CSTPP1: variants seen among roughly 807,000 people sequenced by gnomAD.
CSTPP1 encodes UPF0705 protein C11orf49.
At chr11:47,117,596 T>A in the CSTPP1 span, among the ~76,000 whole-genome samples, 2 of 152,174 alleles carry the variant, frequency 1.3e-5, no homozygotes, top group Non-Finnish European at 2.9e-5. Flanking sequence ...GGGAATCTGA[T>A]AATTATGTGT....
At chr11:47,110,890 C>CTTTTTTTTTT in the CSTPP1 span, among the ~76,000 whole-genome samples, 124 of 125,440 alleles carry the variant, frequency 9.9e-4, 2 homozygotes, top group Middle Eastern at 4.2e-3. Context: ...GAGAACACAT[C>CTTTTTTTTTT]TTTTTTTTTT....
chr11:47,070,459 A>G, the CSTPP1 span, among the ~76,000 whole-genome samples: 14 of 152,128 alleles, frequency 9.2e-5, no homozygotes, highest in African/African-American at 3.4e-4. Flanking sequence ...CCTTGATCCC[A>G]CCTCAAACGT....
chr11:47,043,955 C>G, the CSTPP1 span, among the ~76,000 whole-genome samples: 1 of 152,156 alleles, frequency 6.6e-6, no homozygotes, highest in African/African-American at 2.4e-5. Flanking sequence ...AATGCAGGTT[C>G]TACAATGTAT....
chr11:47,010,857 T>C, the CSTPP1 span, among the ~76,000 whole-genome samples: 2 of 152,306 alleles, frequency 1.3e-5, no homozygotes, highest in African/African-American at 4.8e-5. Flanking sequence ...TTTTTTTTTC[T>C]TCTCTCAAGC....
At chr11:46,950,606 TC>T in the CSTPP1 span, among the ~76,000 whole-genome samples, 371 of 152,180 alleles carry the variant, frequency 2.4e-3, 1 homozygote, top group African/African-American at 8.1e-3. Flanking sequence ...GAAACTGTTT[TC>T]TTTTTTCCTT....
At chr11:47,078,346 G>T in the CSTPP1 span, among the ~76,000 whole-genome samples, 1 of 152,172 alleles carries the variant, frequency 6.6e-6, no homozygotes, top group Non-Finnish European at 1.5e-5. Flanking sequence ...GAATGAATGG[G>T]TAGTAAGAAA....
At chr11:47,077,765 T>C in the CSTPP1 span, among the ~76,000 whole-genome samples, 3 of 152,230 alleles carry the variant, frequency 2.0e-5, no homozygotes, top group East Asian at 5.8e-4. Flanking sequence ...CAGAAGGCTC[T>C]AGGAGGAATT....
chr11:47,158,864 C>T, the CSTPP1 span, among the ~76,000 whole-genome samples: 1 of 152,132 alleles, frequency 6.6e-6, no homozygotes, highest in Non-Finnish European at 1.5e-5. Context: ...TCGAGAGATC[C>T]TCCTGCTGTG....
At chr11:46,996,331 T>C in the CSTPP1 span, among the ~76,000 whole-genome samples, 10 of 150,938 alleles carry the variant, frequency 6.6e-5, no homozygotes, top group African/African-American at 2.4e-4. Flanking sequence ...TGAGACGGAG[T>C]TTCGCTCTGT....
chr11:46,952,144 A>C, the CSTPP1 span, among the ~76,000 whole-genome samples: 1 of 152,138 alleles, frequency 6.6e-6, no homozygotes, highest in Non-Finnish European at 1.5e-5. Flanking sequence ...TTTCTTTCTT[A>C]CTTAATCCAA....
the CSTPP1 span, among the ~76,000 whole-genome samples, chr11:47,082,149 C>CAA: frequency 0.17 from 14,389 of 83,022 alleles, 1,419 homozygotes; most frequent in East Asian, 0.55. Context: ...GACCCTGTCT[C>CAA]AAAAAAAAAA....
the CSTPP1 span, among the ~76,000 whole-genome samples, chr11:47,121,338 C>T: frequency 1.2e-4 from 19 of 152,210 alleles, no homozygotes; most frequent in African/African-American, 4.6e-4. Flanking sequence ...GTTAGCCACA[C>T]GAGCTTTTGT....
the CSTPP1 span, among the ~76,000 whole-genome samples, chr11:47,123,773 G>T: frequency 6.6e-5 from 10 of 152,172 alleles, no homozygotes; most frequent in Non-Finnish European, 1.3e-4. Flanking sequence ...GGCCGAGGTG[G>T]GTGGATCACC....
At chr11:47,039,077 C>G in the CSTPP1 span, among the ~76,000 whole-genome samples, 4 of 125,290 alleles carry the variant, frequency 3.2e-5, no homozygotes, top group Middle Eastern at 4.2e-3. Context: ...CAGGCAGAGA[C>G]GCTCCTCACT....
the CSTPP1 span, among the ~76,000 whole-genome samples, chr11:47,096,237 T>C: frequency 6.6e-6 from 1 of 152,218 alleles, no homozygotes. Flanking sequence ...ATTTTCACCA[T>C]TTTTAAATAT....
the CSTPP1 span, among the ~76,000 whole-genome samples, chr11:47,038,184 G>A: frequency 1.0e-5 from 1 of 98,524 alleles, no homozygotes; most frequent in African/African-American, 2.9e-5. Flanking sequence ...CAGACGGGGC[G>A]GCTGGCCGGG....
chr11:47,111,994 T>C, the CSTPP1 span, among the ~76,000 whole-genome samples: 1 of 152,212 alleles, frequency 6.6e-6, no homozygotes, highest in Non-Finnish European at 1.5e-5. Flanking sequence ...TTCCCTCTTA[T>C]TCTTTTGGCT....
the CSTPP1 span, among the ~76,000 whole-genome samples, chr11:47,158,174 C>T: frequency 1.3e-5 from 2 of 151,992 alleles, no homozygotes; most frequent in East Asian, 1.9e-4. Flanking sequence ...ATAGCAGAAG[C>T]GCCCAGCCCC....
chr11:47,155,227 C>T, the CSTPP1 span: 426 of 1,613,898 alleles, frequency 2.6e-4, 1 homozygote, highest in Non-Finnish European at 3.3e-4. Context: ...TTTCAGATTT[C>T]CTCTTTGCCT....
Sources: gnomAD v4.1 joint callset for allele counts (sites outside exome capture counted in the v4.1 genomes callset) on GRCh38, gnomAD v4.1.1 for gene constraint, MANE v1.5 for transcripts, NCBI Gene and HGNC (gene_info 2026-07-23, HGNC 2026-07-21) for gene names.